PALS2: variants seen among roughly 807,000 people sequenced by gnomAD.
The protein encoded by PALS2 is protein PALS2.
PALS2 carries 27 observed loss-of-function variants against 61.6 expected under a neutral mutation model. That is an observed-to-expected ratio of 0.44 (90% confidence interval 0.32 to 0.60). The LOEUF is 0.60. Among genes scored for constraint, PALS2 ranks in the 20% least tolerant of loss-of-function variants. The probability of loss-of-function intolerance (pLI) is 0.05; values close to 1 mark genes in which losing one functional copy is unlikely to be tolerated. For missense variants in PALS2, 554 were observed against 639.4 expected, an observed-to-expected ratio of 0.87 and a Z score of 1.44; for synonymous variants, 236 against 218.6, an observed-to-expected ratio of 1.08 and a Z score of -0.70.
At chr7:24,621,841 ATAAAAT>A (rs1369780793) in intron 1 of PALS2, among the ~76,000 whole-genome samples, 3 of 152,038 alleles carry the variant, frequency 2.0e-5, no homozygotes, top group Non-Finnish European at 2.9e-5. Flanking sequence ...GATAAAACTA[ATAAAAT>A]TAAGATTATA....
intron 4 of PALS2, 86 bp downstream of exon 4, chr7:24,649,850 C>G (rs1786048818): frequency 1.6e-6 from 2 of 1,261,994 alleles, no homozygotes; most frequent in South Asian, 4.1e-5. Context: ...ATTTTTTTTC[C>G]TTTTCATAAT....
chr7:24,640,822 C>T (rs1027187976), intron 2 of PALS2, among the ~76,000 whole-genome samples: 2 of 151,892 alleles, frequency 1.3e-5, no homozygotes, highest in African/African-American at 2.4e-5. Flanking sequence ...TCCTGGCTAA[C>T]ATGGTGAAAC....
At chr7:24,607,271 G>A (rs1783934768) in intron 1 of PALS2, among the ~76,000 whole-genome samples, 1 of 151,960 alleles carries the variant, frequency 6.6e-6, no homozygotes, top group Non-Finnish European at 1.5e-5. Flanking sequence ...CATTTATACT[G>A]GAGTGTTTTA....
chr7:24,598,385 G>A (rs2128046281), intron 1 of PALS2, among the ~76,000 whole-genome samples: 1 of 152,194 alleles, frequency 6.6e-6, no homozygotes, highest in South Asian at 2.1e-4. Context: ...AGAAGTGAAG[G>A]GCTAACAAGG....
In PALS2 at chr7:24,596,014, G is replaced by T. The variant is rs181865418; in HGVS notation, c.-3+22421G>T. On this transcript the variant is annotated intron_variant, in intron 1 of 11. Transcript: ENST00000222644. The surrounding 1 kb of genome is among the most constrained non-coding windows in gnomAD (Gnocchi z 4.5). ...GAAAGAGTTGGAGAAGTTGAACGCAGAGAGGTACAGTGGGTGACAAATCAT... is the reference window on the plus strand; with the variant it reads ...GAAAGAGTTGGAGAAGTTGAACGCATAGAGGTACAGTGGGTGACAAATCAT... Among the ~76,000 whole-genome samples, 52 of 152,034 alleles carry T rather than the reference G, an allele frequency of 3.4e-4. No individual in the cohort carries two copies. The highest frequency in any genetic ancestry group is 1.1e-3 in the African/African-American group (44 of 41,486).
intron 11 of PALS2, among the ~76,000 whole-genome samples, chr7:24,683,581 A>T (rs1478463787): frequency 6.6e-6 from 1 of 151,890 alleles, no homozygotes; most frequent in African/African-American, 2.4e-5. Flanking sequence ...CTGGTAGAAC[A>T]AATGTTCCAG....
chr7:24,686,488 A>G (rs1788210984), intron 11 of PALS2, among the ~76,000 whole-genome samples: 1 of 152,158 alleles, frequency 6.6e-6, no homozygotes, highest in Non-Finnish European at 1.5e-5. Flanking sequence ...CTCTGCCTGA[A>G]TGCTGACCTC....
At position 24,687,641 on chromosome 7, in the gene PALS2, T is replaced by G; in HGVS notation, c.*27T>G. The G allele has an allele frequency of 6.4e-7, 1 of 1,562,292 alleles. No individual in the cohort carries two copies. The highest frequency in any genetic ancestry group is 1.2e-5 in the South Asian group (1 of 82,568). ...GATTCAGTAAGGTTAACAATGAAAA[T>G]TAAACTCTTAAAAAGTGACTGCAAC... On this transcript the variant is annotated 3_prime_UTR_variant, in exon 12 of 12. Coordinates refer to ENST00000222644, the MANE Select transcript of PALS2 (RefSeq NM_001303037.2). This position sits in a 1 kb window ranked among gnomAD's most constrained non-coding sequence, Gnocchi z 4.5.
At chr7:24,658,644 C>T (rs1786549332) in intron 5 of PALS2, among the ~76,000 whole-genome samples, 1 of 151,916 alleles carries the variant, frequency 6.6e-6, no homozygotes, top group South Asian at 2.1e-4. Context: ...GCAACCCCCA[C>T]CTCCTGGGTT....
At chr7:24,586,986 A>ATT (rs1456100528) in intron 1 of PALS2, among the ~76,000 whole-genome samples, 1 of 144,022 alleles carries the variant, frequency 6.9e-6, no homozygotes, top group Non-Finnish European at 1.5e-5. Context: ...TGCCCCCCAA[A>ATT]TTCTAGTATT....
intron 1 of PALS2, among the ~76,000 whole-genome samples, chr7:24,583,041 T>A (rs1037291646): frequency 1.6e-4 from 24 of 151,688 alleles, no homozygotes; most frequent in Non-Finnish European, 8.8e-5. Context: ...ATTACAGATG[T>A]GTGCCACCAC....
intron 2 of PALS2, among the ~76,000 whole-genome samples, chr7:24,633,504 A>T: frequency 3.5e-5 from 4 of 114,326 alleles, no homozygotes; most frequent in East Asian, 2.9e-4. Flanking sequence ...TTTGTTTTTT[A>T]TTTTCTGCAG....
At chr7:24,663,528 T>A in intron 5 of PALS2, 62 bp from the exon 6 acceptor site, 2 of 1,443,198 alleles carry the variant, frequency 1.4e-6, no homozygotes, top group Non-Finnish European at 1.9e-6. Context: ...TTGACAAGGA[T>A]TTTTTAAATT....
intron 10 of PALS2, among the ~76,000 whole-genome samples, chr7:24,679,725 A>C (rs955258353): frequency 9.5e-6 from 1 of 105,622 alleles, no homozygotes; most frequent in African/African-American, 7.6e-5. Flanking sequence ...CCTCTACACT[A>C]TTCATTTTGT....
chr7:24,598,647 C>T (rs183797579), intron 1 of PALS2, among the ~76,000 whole-genome samples: 1 of 152,294 alleles, frequency 6.6e-6, no homozygotes, highest in Admixed American at 6.5e-5. Context: ...GTTAGGACCT[C>T]TTTGGAATTC....
chr7:24,677,905 C>T (rs1299202237), intron 9 of PALS2, among the ~76,000 whole-genome samples: 1 of 152,146 alleles, frequency 6.6e-6, no homozygotes, highest in Non-Finnish European at 1.5e-5. Flanking sequence ...TATTTTTGAG[C>T]ATGAGTTTGA....
intron 2 of PALS2, among the ~76,000 whole-genome samples, chr7:24,632,402 C>G (rs1785038102): frequency 6.6e-6 from 1 of 152,018 alleles, no homozygotes; most frequent in East Asian, 1.9e-4. Flanking sequence ...CTGACAGTCT[C>G]TTTGTTTTTT....
chr7:24,679,042 G>GA (rs967790002), intron 9 of PALS2, 89 bp from the exon 10 acceptor site: 1 of 1,183,018 alleles, frequency 8.5e-7, no homozygotes, highest in African/African-American at 1.5e-5. Flanking sequence ...GCACCCAGTG[G>GA]AAAAACGTTA....
intron 1 of PALS2, among the ~76,000 whole-genome samples, chr7:24,599,007 C>T (rs546408054): frequency 1.3e-5 from 2 of 152,134 alleles, no homozygotes; most frequent in Admixed American, 6.5e-5. Context: ...AAAAACACAC[C>T]GAGTGTTGAA....
Sources: gnomAD v4.1 joint callset for allele counts (sites outside exome capture counted in the v4.1 genomes callset) on GRCh38, gnomAD v4.1.1 for gene constraint, Gnocchi (gnomAD v3.1) non-coding constraint, MANE v1.5 for transcripts, NCBI Gene and HGNC (gene_info 2026-07-23, HGNC 2026-07-21) for gene names.